The following DNAH5 variants were observed in gnomAD, a reference collection of about 807,000 sequenced individuals.
DNAH5 encodes dynein axonemal heavy chain 5.
Under a neutral mutation model 518.2 loss-of-function variants are expected in DNAH5, and 372 were observed. The ratio of observed to expected loss-of-function variants is 0.72; its 90% CI spans 0.66 to 0.78. DNAH5 has a LOEUF of 0.78. Among genes scored for constraint, DNAH5 ranks in the 30% least tolerant of loss-of-function variants. The probability of loss-of-function intolerance (pLI) is 0.00; values close to 1 mark genes in which losing one functional copy is unlikely to be tolerated. For missense variants in DNAH5, 5,523 were observed against 5,687.0 expected, an observed-to-expected ratio of 0.97 and a Z score of 0.93; for synonymous variants, 2,039 against 2,025.9, an observed-to-expected ratio of 1.01 and a Z score of -0.17.
At chr5:13,833,854 C>G (rs1463307345) in intron 35 of DNAH5, among the ~76,000 whole-genome samples, 3 of 152,180 alleles carry the variant, frequency 2.0e-5, no homozygotes, top group African/African-American at 7.2e-5. Flanking sequence ...TGTATGTTAT[C>G]ATATTATAAT....
intron 47 of DNAH5, among the ~76,000 whole-genome samples, chr5:13,802,176 A>T (rs577128049): frequency 5.3e-5 from 8 of 152,344 alleles, no homozygotes; most frequent in African/African-American, 1.9e-4. Context: ...AGTCAGCATG[A>T]CAGCATCTTA....
rs34258148 is a variant in DNAH5 at position 13,775,133 on chromosome 5, GT to G, written c.9373+1305del. Among the ~76,000 whole-genome samples, 305 of 110,842 alleles carry G rather than the reference GT, an allele frequency of 2.8e-3. 2 individuals carry two copies. Among genetic ancestry groups the G allele is most frequent in the East Asian group, 0.023 (90 of 3,866 alleles). 72.7% of individuals were successfully genotyped at this position (110,842 alleles called of 152,430 possible). ...TGTATTAAGAGCTACACTCCTTTTTGTTTTTTTTTTTTTTCAAATCTTACCT... is the reference window on the plus strand; with the variant it reads ...TGTATTAAGAGCTACACTCCTTTTTGTTTTTTTTTTTTTCAAATCTTACCT... On this transcript the variant is annotated intron_variant, in intron 55 of 78. Transcript: ENST00000265104.
intron 1 of DNAH5, among the ~76,000 whole-genome samples, chr5:13,969,486 C>T (rs751008324): frequency 2.6e-5 from 4 of 152,060 alleles, no homozygotes; most frequent in Non-Finnish European, 5.9e-5. Context: ...ACCACTTTTG[C>T]TGGATCCCAG....
At position 13,919,306 on chromosome 5, in the gene DNAH5, C is replaced by T. The variant is rs1290132622; in HGVS notation, c.845G>A (p.Gly282Glu). ...NQLLKEADDVGPRAELEHWKK... is the reference protein window; with the variant it reads ...NQLLKEADDVEPRAELEHWKK... Reference sequence around the variant, plus strand: ...CCAGTGCTCCAGCTCCGCTCGTGGCCCAACGTCATCCGCTTCCTTCAGCAG... The same window carrying T: ...CCAGTGCTCCAGCTCCGCTCGTGGCTCAACGTCATCCGCTTCCTTCAGCAG... Residue 282 changes from glycine (G) to glutamate (E), a missense_variant, in exon 7 of 79, where the codon GGG becomes GAG. By Grantham distance (98) the Gly-to-Glu change is moderately conservative. Transcript: ENST00000265104. 1 of 1,614,104 alleles carries T rather than the reference C, an allele frequency of 6.2e-7. No individual in the cohort carries two copies. The highest frequency in any genetic ancestry group is 2.2e-5 in the East Asian group (1 of 44,880).
chr5:13,875,669 A>G (rs974032790), intron 22 of DNAH5, among the ~76,000 whole-genome samples: 2 of 152,120 alleles, frequency 1.3e-5, no homozygotes, highest in African/African-American at 4.8e-5. Context: ...TATTGTTATC[A>G]TGAAATACTT....
intron 46 of DNAH5, 29 bp downstream of exon 46, chr5:13,809,015 C>G (rs1760139791): frequency 6.2e-7 from 1 of 1,612,340 alleles, no homozygotes; most frequent in African/African-American, 1.3e-5. Flanking sequence ...TTAAAATATG[C>G]TACAGTTAAT....
intron 1 of DNAH5, among the ~76,000 whole-genome samples, chr5:13,933,444 T>C (rs1550811): frequency 0.098 from 14,890 of 152,046 alleles, 1,098 homozygotes; most frequent in African/African-American, 0.2. Flanking sequence ...GTGAAGAAAA[T>C]TGGGGACCAC....
In DNAH5 at chr5:13,758,919, G is replaced by T. The variant is rs769213101; in HGVS notation, c.10346C>A (p.Ala3449Asp). ...TTCCGCCTGCTTGTCATCCAACTCG[G>T]CCTGGGCTTTCTGCAGATCCTGCAT... Reference protein sequence around the residue: ...LAMQDLQKAQAELDDKQAELD... With the variant: ...LAMQDLQKAQDELDDKQAELD... The change falls in exon 61 of 79, where the codon GCC (alanine) becomes GAC (aspartate). Residue 3449 changes from alanine (A) to aspartate (D), a missense_variant. Transcript: ENST00000265104. 1.9e-6 allele frequency: 3 copies of T among 1,614,116 alleles called. No individual in the cohort carries two copies. The highest frequency in any genetic ancestry group is 4.5e-5 in the East Asian group (2 of 44,882).
At position 13,736,929 on chromosome 5, in the gene DNAH5, G is replaced by T. The variant is rs566224820; in HGVS notation, c.11455+323C>A. ...TGTTACCAAACGATAAATAACTGGT[G>T]CACTAATTCCTCAGATTTCCCTAAT... On this transcript the variant is annotated intron_variant, in intron 66 of 78. Transcript: ENST00000265104. Among the ~76,000 whole-genome samples the T allele has an allele frequency of 8.1e-4, 123 of 152,248 alleles. 2 individuals carry two copies. The highest frequency in any genetic ancestry group is 4.2e-3 in the East Asian group (22 of 5,182).
chr5:13,755,085 T>C (rs1750802830), intron 61 of DNAH5, among the ~76,000 whole-genome samples: 2 of 152,016 alleles, frequency 1.3e-5, no homozygotes, highest in South Asian at 4.1e-4. Flanking sequence ...GAGATTGCAG[T>C]GAGCCAAGAT....
chr5:13,792,243 T>G (rs202043845), intron 49 of DNAH5, 26 bp from the exon 50 acceptor site: 1,451 of 1,580,714 alleles, frequency 9.2e-4, no homozygotes, highest in Non-Finnish European at 1.1e-3. Flanking sequence ...TTACAGCATT[T>G]TGATTAGCCA....
At chr5:13,921,459 T>TCTCTCTCTC (rs70964519) in intron 5 of DNAH5, among the ~76,000 whole-genome samples, 1 of 130,252 alleles carries the variant, frequency 7.7e-6, no homozygotes, top group African/African-American at 2.9e-5. Flanking sequence ...TCTCTCTCTC[T>TCTCTCTCTC]TGCTCTATCT....
chr5:13,767,387 A>C (rs1422848534), intron 58 of DNAH5, among the ~76,000 whole-genome samples: 1 of 152,208 alleles, frequency 6.6e-6, no homozygotes, highest in African/African-American at 2.4e-5. Flanking sequence ...GGCCTCCCAA[A>C]GTACTGGAAT....
At chr5:13,882,482 A>G (rs557841272) in intron 21 of DNAH5, among the ~76,000 whole-genome samples, 41 of 152,212 alleles carry the variant, frequency 2.7e-4, no homozygotes, top group Non-Finnish European at 4.4e-4. Flanking sequence ...AGTGAAATTT[A>G]TCCCCTGGAT....
At position 14,008,767 on chromosome 5, in the gene DNAH5, C is replaced by T. The variant is rs558144144; in HGVS notation, c.12+2881G>A. ...CACAGTACTTTAAACATAGTAGGTA[C>T]TTAATAAGTATTTATGGAATTGAAC... On this transcript the variant is annotated intron_variant, in intron 1 of 78. Coordinates refer to the DNAH5 transcript ENST00000681290. Among the ~76,000 whole-genome samples, 3 of 152,326 alleles carry T rather than the reference C, an allele frequency of 2.0e-5. No homozygotes were observed. In the South Asian group the frequency reaches 6.2e-4, roughly 32 times the overall value.
intron 9 of DNAH5, 36 bp from the exon 10 acceptor site, chr5:13,914,678 A>G (rs749709431): frequency 6.2e-7 from 1 of 1,606,244 alleles, no homozygotes; most frequent in Non-Finnish European, 8.5e-7. Flanking sequence ...TAAGCACATA[A>G]AACAGCCATG....
intron 58 of DNAH5, among the ~76,000 whole-genome samples, chr5:13,767,691 C>T (rs1752702979): frequency 1.3e-5 from 2 of 152,138 alleles, no homozygotes; most frequent in South Asian, 4.1e-4. Context: ...GTGTTAGATG[C>T]CCAGGTAAAA....
intron 12 of DNAH5, among the ~76,000 whole-genome samples, chr5:13,905,569 AT>A (rs1413546884): frequency 9.9e-5 from 15 of 152,228 alleles, no homozygotes; most frequent in Admixed American, 9.8e-4. Flanking sequence ...AACATTCAGT[AT>A]ACCACTACAA....
Position 13,721,158 on chromosome 5 carries a change from G to A in DNAH5, c.12121C>T (p.Pro4041Ser), listed in dbSNP as rs1169918695. ...AGGAGACAGATGAGTGGCGTCCGTG[G>A]ATCAGATTCCTCCCACGTCTTCTCC... ...DLEKTWEESD[P>S]RTPLICLLSM... Residue 4041 changes from proline to serine, a missense_variant, in exon 71 of 79, where the codon CCA becomes TCA. Pro to Ser is a moderately conservative substitution (Grantham distance 74). Around this residue, in one of 3 missense-constraint regions of DNAH5, gnomAD observed 5,121 missense variants for 5,223.3 expected, o/e 0.98. Coordinates refer to ENST00000265104, the MANE Select transcript of DNAH5 (RefSeq NM_001369.3). The A allele has an allele frequency of 1.2e-6, 2 of 1,614,074 alleles. No homozygotes were observed. Among genetic ancestry groups the A allele is most frequent in the East Asian group, 2.2e-5 (1 of 44,870 alleles).
Sources: gnomAD v4.1 joint callset for allele counts (sites outside exome capture counted in the v4.1 genomes callset) on GRCh38, gnomAD v4.1.1 for gene constraint, gnomAD v4.1.1 regional missense constraint, MANE v1.5 for transcripts, NCBI Gene and HGNC (gene_info 2026-07-23, HGNC 2026-07-21) for gene names.